The following DYM variants were observed in gnomAD, a reference collection of about 807,000 sequenced individuals.
DYM encodes the protein dyggve-Melchior-Clausen syndrome protein.
A neutral mutation model predicts 93.1 loss-of-function variants in DYM; 78 were observed. The observed-to-expected ratio is 0.84, with a 90% CI of 0.70 to 1.01. DYM has a LOEUF of 1.01. Among genes scored for constraint, DYM ranks in the 50% least tolerant of loss-of-function variants. DYM has a pLI of 0.00. For missense variants in DYM, 789 were observed against 845.0 expected, an observed-to-expected ratio of 0.93 and a Z score of 0.82; for synonymous variants, 321 against 319.7, an observed-to-expected ratio of 1.00 and a Z score of -0.04.
intron 8 of DYM, among the ~76,000 whole-genome samples, chr18:49,313,525 C>A (rs1156338524): frequency 8.7e-6 from 1 of 114,326 alleles, no homozygotes; most frequent in Non-Finnish European, 1.8e-5. Context: ...CTGGCCAAAA[C>A]CTGTCAAGAC....
chr18:49,137,051 A>T (rs1330560972), intron 15 of DYM, among the ~76,000 whole-genome samples: 1 of 152,254 alleles, frequency 6.6e-6, no homozygotes, highest in African/African-American at 2.4e-5. Context: ...GTGACAGTAC[A>T]GAATGAAGAT....
At chr18:49,457,296 T>C (rs1280746424) in intron 1 of DYM, among the ~76,000 whole-genome samples, 1 of 152,186 alleles carries the variant, frequency 6.6e-6, no homozygotes, top group Non-Finnish European at 1.5e-5. Flanking sequence ...GGAACCATCA[T>C]TGCCCCCAGC....
At chr18:49,313,221 T>G (rs983183150) in intron 8 of DYM, among the ~76,000 whole-genome samples, 7 of 151,828 alleles carry the variant, frequency 4.6e-5, no homozygotes, top group Middle Eastern at 3.4e-3. Context: ...ATCCCAGCAC[T>G]TTGGGAGGCC....
At chr18:49,047,692 C>T (rs2071789566) in intron 17 of DYM, among the ~76,000 whole-genome samples, 1 of 152,094 alleles carries the variant, frequency 6.6e-6, no homozygotes, top group South Asian at 2.1e-4. Flanking sequence ...GGAGCCTCCT[C>T]ATACACTGTG....
At chr18:49,119,007 T>A in intron 15 of DYM, 81 bp from the exon 16 acceptor site, 1 of 1,166,306 alleles carries the variant, frequency 8.6e-7, no homozygotes, top group Non-Finnish European at 1.3e-6. Flanking sequence ...AGTAATTCCC[T>A]CAAAATTATA....
chr18:49,185,269 T>C (rs7238371), intron 14 of DYM, among the ~76,000 whole-genome samples: 95,269 of 152,102 alleles, frequency 0.63, 31,039 homozygotes, highest in Non-Finnish European at 0.74. Context: ...CTATCATTTA[T>C]AGCAACAACA....
intron 17 of DYM, among the ~76,000 whole-genome samples, chr18:49,062,538 A>G (rs2076067767): frequency 6.6e-6 from 1 of 152,200 alleles, no homozygotes; most frequent in African/African-American, 2.4e-5. Flanking sequence ...AGCCCTTAAG[A>G]TTCCCGAGAC....
At chr18:49,216,604 G>A (rs925490816) in intron 13 of DYM, among the ~76,000 whole-genome samples, 14 of 152,264 alleles carry the variant, frequency 9.2e-5, no homozygotes, top group African/African-American at 2.4e-4. Context: ...ATGAAAATCC[G>A]CAGTTCTGAA....
chr18:49,207,151 G>A (rs1489633523), intron 14 of DYM, among the ~76,000 whole-genome samples: 2 of 152,068 alleles, frequency 1.3e-5, no homozygotes, highest in Non-Finnish European at 2.9e-5. Context: ...GCTAGGTGAG[G>A]AGTGTGACTC....
At chr18:49,254,319 T>C (rs2094348809) in intron 13 of DYM, among the ~76,000 whole-genome samples, 2 of 134,658 alleles carry the variant, frequency 1.5e-5, no homozygotes, top group African/African-American at 6.0e-5. Flanking sequence ...TATATATATA[T>C]ATATATACAC....
chr18:49,317,717 G>A (rs1279802279), intron 8 of DYM, among the ~76,000 whole-genome samples: 7 of 136,632 alleles, frequency 5.1e-5, no homozygotes, highest in Non-Finnish European at 9.4e-5. Context: ...AGCAATTCTC[G>A]TGCCTCATCC....
intron 12 of DYM, 91 bp downstream of exon 12, chr18:49,258,289 A>G: frequency 1.2e-6 from 1 of 868,440 alleles, no homozygotes; most frequent in Non-Finnish European, 1.9e-6. Context: ...TGTCACGAGA[A>G]TTTTAGCATC....
chr18:49,307,134 A>T (rs2061322042), intron 8 of DYM, among the ~76,000 whole-genome samples: 1 of 152,028 alleles, frequency 6.6e-6, no homozygotes, highest in African/African-American at 2.4e-5. Flanking sequence ...CTAGTTTATT[A>T]TGTCATGGTC....
intron 1 of DYM, among the ~76,000 whole-genome samples, chr18:49,449,713 T>C (rs2148684467): frequency 6.6e-6 from 1 of 152,296 alleles, no homozygotes; most frequent in African/African-American, 2.4e-5. Flanking sequence ...CTCTGTAAAG[T>C]TTTAATTAAT....
At chr18:49,118,592 T>C in intron 16 of DYM, 152 bp downstream of exon 16, 1 of 732,394 alleles carries the variant, frequency 1.4e-6, no homozygotes, top group Admixed American at 2.2e-5. Flanking sequence ...CACACACAGA[T>C]TACCACAACT....
At chr18:49,230,029 A>T (rs112362388) in intron 13 of DYM, among the ~76,000 whole-genome samples, 43 of 152,250 alleles carry the variant, frequency 2.8e-4, no homozygotes, top group African/African-American at 8.9e-4. Context: ...AAGGAAAACT[A>T]AATAACAGAA....
At chr18:49,126,808 G>T (rs1006954398) in intron 15 of DYM, among the ~76,000 whole-genome samples, 3 of 152,200 alleles carry the variant, frequency 2.0e-5, no homozygotes, top group South Asian at 4.2e-4. Context: ...TTTAGCTTTA[G>T]ACATTATCAT....
intron 13 of DYM, among the ~76,000 whole-genome samples, chr18:49,245,971 C>T (rs1023740414): frequency 4.6e-5 from 7 of 152,242 alleles, no homozygotes; most frequent in Non-Finnish European, 7.4e-5. Context: ...CTGGTTCCCC[C>T]GATAGGTGAC....
At chr18:49,341,481 G>T (rs1373770602) in intron 6 of DYM, among the ~76,000 whole-genome samples, 1 of 105,206 alleles carries the variant, frequency 9.5e-6, no homozygotes, top group Admixed American at 1.2e-4. Flanking sequence ...TACAGAGTGA[G>T]ACTCCATCGC....
Sources: gnomAD v4.1 joint callset for allele counts (sites outside exome capture counted in the v4.1 genomes callset) on GRCh38, gnomAD v4.1.1 for gene constraint, MANE v1.5 for transcripts, NCBI Gene and HGNC (gene_info 2026-07-23, HGNC 2026-07-21) for gene names.